CBLB: variants seen among roughly 807,000 people sequenced by gnomAD.
The protein encoded by CBLB is E3 ubiquitin-protein ligase CBL-B.
A neutral mutation model predicts 104.9 loss-of-function variants in CBLB; 31 were observed. That is an observed-to-expected ratio of 0.30 (90% CI 0.22 to 0.40). CBLB has a LOEUF of 0.40. CBLB is among the 10% of genes least tolerant of loss of function. The pLI, the probability that CBLB is intolerant of heterozygous loss-of-function variation, is 1.00. For synonymous variants in CBLB, 440 were observed against 422.6 expected, an observed-to-expected ratio of 1.04 and a Z score of -0.51; for missense variants, 1,062 against 1,214.6, an observed-to-expected ratio of 0.87 and a Z score of 1.87.
chr3:105,703,899 A>G, intron 11 of CBLB, 89 bp downstream of exon 11: 1 of 1,254,984 alleles, frequency 8.0e-7, no homozygotes, highest in East Asian at 2.4e-5. Flanking sequence ...AAAAGCAAAA[A>G]AATATGAGTA....
At chr3:105,670,146 T>A in intron 18 of CBLB, 87 bp downstream of exon 18, 1 of 1,146,618 alleles carries the variant, frequency 8.7e-7, no homozygotes, top group Non-Finnish European at 1.3e-6. Flanking sequence ...ATTCATTAAA[T>A]TATATAATGA....
chr3:105,834,216 T>C lies in CBLB; in HGVS notation c.419+19198A>G, dbSNP rs6437622. 3.3e-3 allele frequency among the ~76,000 whole-genome samples: 504 copies of C among 152,246 alleles called. 2 individuals carry two copies. Among genetic ancestry groups the C allele is most frequent in the African/African-American group, 0.011 (470 of 41,536 alleles). On this transcript the variant is annotated intron_variant, in intron 3 of 18. Coordinates refer to ENST00000394030, the MANE Select transcript of CBLB (RefSeq NM_170662.5). ...TATTGAAAATTGCTAAGAGGGTATA[T>C]TTTAAATGTTCTCACCAGTTAAAAA...
Position 105,838,733 on chromosome 3 carries a change from T to A in CBLB, c.419+14681A>T, listed in dbSNP as rs934980950. ...AGTGTGAACTCGGCTCACTGCAATC[T>A]CCACCTACCAGGTTCAAGCCATTCT... On this transcript the variant is annotated intron_variant, in intron 3 of 18. Coordinates refer to ENST00000394030, the MANE Select transcript of CBLB (RefSeq NM_170662.5). 7.4e-5 allele frequency among the ~76,000 whole-genome samples: 11 copies of A among 148,832 alleles called. 1 individual carries two copies. Among genetic ancestry groups the A allele is most frequent in the African/African-American group, 2.7e-4 (11 of 40,398 alleles).
At chr3:105,712,232 A>G (rs566861623) in intron 10 of CBLB, among the ~76,000 whole-genome samples, 298 of 152,210 alleles carry the variant, frequency 2.0e-3, no homozygotes, top group Middle Eastern at 3.4e-3. Flanking sequence ...TTATATCCTG[A>G]TCCAAATATA....
intron 17 of CBLB, among the ~76,000 whole-genome samples, chr3:105,676,482 C>G (rs1047603723): frequency 6.6e-6 from 1 of 152,054 alleles, no homozygotes. Flanking sequence ...CATCAAAGTT[C>G]CATCTATTGG....
intron 9 of CBLB, among the ~76,000 whole-genome samples, chr3:105,732,388 A>G (rs747837297): frequency 1.3e-5 from 2 of 152,238 alleles, no homozygotes; most frequent in Non-Finnish European, 2.9e-5. Flanking sequence ...CTCCTTCAAC[A>G]TCTCCCTGTA....
intron 3 of CBLB, among the ~76,000 whole-genome samples, chr3:105,812,121 T>A (rs1295826509): frequency 6.6e-6 from 1 of 152,240 alleles, no homozygotes; most frequent in Non-Finnish European, 1.5e-5. Flanking sequence ...TCCATATTAC[T>A]GCTTTGCTGC....
At chr3:105,706,461 A>G (rs967858193) in intron 10 of CBLB, among the ~76,000 whole-genome samples, 6 of 152,214 alleles carry the variant, frequency 3.9e-5, no homozygotes, top group African/African-American at 1.4e-4. Flanking sequence ...ATTCTTAACA[A>G]AAGAATAGTT....
At chr3:105,802,135 C>T (rs1005402816) in intron 3 of CBLB, among the ~76,000 whole-genome samples, 1 of 152,244 alleles carries the variant, frequency 6.6e-6, no homozygotes, top group African/African-American at 2.4e-5. Context: ...GAAACTCATA[C>T]ATCCAAAGAT....
Position 105,775,938 on chromosome 3 carries a change from T to C in CBLB, c.566+458A>G, listed in dbSNP as rs141885402. On this transcript the variant is annotated intron_variant, in intron 4 of 18. Coordinates refer to ENST00000394030, the MANE Select transcript of CBLB (RefSeq NM_170662.5). Reference sequence around the variant, plus strand: ...CTCGATTTCAGACCTTAACCAAGCTTAACATACCACCTCCTCCAGGAAGCA... The same window carrying C: ...CTCGATTTCAGACCTTAACCAAGCTCAACATACCACCTCCTCCAGGAAGCA... Among the ~76,000 whole-genome samples, 1,045 of 152,266 alleles carry C rather than the reference T, an allele frequency of 6.9e-3. 10 individuals are homozygous for C. Among genetic ancestry groups the C allele is most frequent in the Middle Eastern group, 0.054 (16 of 294 alleles).
chr3:105,698,415 G>GTCC (rs994826543), intron 12 of CBLB, among the ~76,000 whole-genome samples: 1 of 151,952 alleles, frequency 6.6e-6, no homozygotes, highest in African/African-American at 2.4e-5. Flanking sequence ...AGGGAAGCGA[G>GTCC]TCCTCGCCCA....
intron 12 of CBLB, among the ~76,000 whole-genome samples, chr3:105,698,074 C>T (rs2068612583): frequency 6.6e-6 from 1 of 151,910 alleles, no homozygotes; most frequent in Non-Finnish European, 1.5e-5. Flanking sequence ...AAATCTCTTA[C>T]CATCAAAATC....
chr3:105,662,273 G>A (rs1278829056), intron 18 of CBLB, among the ~76,000 whole-genome samples: 3 of 152,108 alleles, frequency 2.0e-5, no homozygotes, highest in Non-Finnish European at 4.4e-5. Flanking sequence ...TAGCACTTTC[G>A]AATGTGTAGG....
At chr3:105,672,135 C>T (rs537704614) in intron 17 of CBLB, 74 of 192,138 alleles carry the variant, frequency 3.9e-4, no homozygotes, top group Admixed American at 9.8e-4. Context: ...TATTTCTTTA[C>T]GGGAAATTTA....
chr3:105,860,395 T>C (rs575740983), intron 2 of CBLB, among the ~76,000 whole-genome samples: 1 of 152,324 alleles, frequency 6.6e-6, no homozygotes, highest in Admixed American at 6.5e-5. Context: ...GAAATGCCCT[T>C]TTGATTTACT....
intron 3 of CBLB, among the ~76,000 whole-genome samples, chr3:105,845,054 T>A (rs1341247109): frequency 6.6e-6 from 1 of 152,122 alleles, no homozygotes; most frequent in African/African-American, 2.4e-5. Context: ...AATTTTAATG[T>A]CACCAGATAT....
rs182799775 is a variant in CBLB at position 105,774,208 on chromosome 3, A to G, written c.566+2188T>C. Among the ~76,000 whole-genome samples, 353 of 152,362 alleles carry G rather than the reference A, an allele frequency of 2.3e-3. 10 individuals carry two copies. The highest frequency in any genetic ancestry group is 0.023 in the East Asian group (118 of 5,186). On this transcript the variant is annotated intron_variant, in intron 4 of 18. Coordinates refer to ENST00000394030, the MANE Select transcript of CBLB (RefSeq NM_170662.5). ...TTACATGGCCTCAATGAACAGTGAG[A>G]TAAATGACAGGCATGCTCCCACAGG... is the stretch of plus-strand genomic sequence containing the variant.
intron 1 of CBLB, chr3:105,868,199 T>C (rs1325330177): frequency 8.1e-7 from 1 of 1,232,448 alleles, no homozygotes; most frequent in Non-Finnish European, 1.0e-6. Context: ...TGAGTCGTTA[T>C]TCCCAAGAAC....
At chr3:105,837,020 C>A (rs1436484729) in intron 3 of CBLB, among the ~76,000 whole-genome samples, 1 of 151,398 alleles carries the variant, frequency 6.6e-6, no homozygotes, top group Non-Finnish European at 1.5e-5. Context: ...ACCCTCCGAC[C>A]TTTACTTTAA....
Sources: allele counts gnomAD v4.1 joint callset (sites outside exome capture counted in the v4.1 genomes callset), GRCh38; gene constraint gnomAD v4.1.1; transcripts MANE v1.5; gene names NCBI Gene and HGNC (gene_info 2026-07-23, HGNC 2026-07-21).